KIAA1217: variants seen among roughly 807,000 people sequenced by gnomAD.
KIAA1217 encodes sickle tail protein homolog.
Under a neutral mutation model 163.9 loss-of-function variants are expected in KIAA1217, and 88 were observed. That is an observed-to-expected ratio of 0.54 (90% CI 0.45 to 0.64). The LOEUF is 0.64. Among genes scored for constraint, KIAA1217 ranks in the 30% least tolerant of loss-of-function variants. The probability of loss-of-function intolerance (pLI) is 0.00; values close to 1 mark genes in which losing one functional copy is unlikely to be tolerated. For missense variants in KIAA1217, 2,372 were observed against 2,475.0 expected (o/e 0.96, Z 0.88); for synonymous variants, 903 against 923.1 (o/e 0.98, Z 0.39).
intron 2 of KIAA1217, among the ~76,000 whole-genome samples, chr10:24,056,101 G>A (rs949254117): frequency 1.3e-5 from 2 of 152,138 alleles, no homozygotes; most frequent in Non-Finnish European, 2.9e-5. Context: ...TGCTTTAGTG[G>A]CCTCTCTCAA....
rs191727392 is a variant in KIAA1217 at position 24,345,503 on chromosome 10, A to G, written c.355-35366A>G. On this transcript the variant is annotated intron_variant, in intron 2 of 20. Transcript: ENST00000376454. ...ACATTATGGAAACACTAACGGGACC[A>G]TTAGAATAAATGAATGAACCTAAGA... Among the ~76,000 whole-genome samples, 295 of 152,372 alleles carry G rather than the reference A, an allele frequency of 1.9e-3. 2 individuals carry two copies. The highest frequency in any genetic ancestry group is 6.4e-3 in the African/African-American group (265 of 41,580).
In KIAA1217 at chr10:23,912,566, A is replaced by G. The variant is rs146852025; in HGVS notation, c.-320-94659A>G. Among the ~76,000 whole-genome samples the G allele has an allele frequency of 2.6e-5, 4 of 152,204 alleles. No homozygotes were observed. The East Asian group carries it at 7.8e-4, about 30-fold the overall frequency. On this transcript the variant is annotated intron_variant, in intron 1 of 18. Transcript: ENST00000376462. ...TACCCATTGTTTAGCTCCCACTTAC[A>G]AGTAAGAACACACAGTATTTGATTT...
chr10:23,721,701 T>C (rs1837880691), intron 1 of KIAA1217, among the ~76,000 whole-genome samples: 1 of 152,146 alleles, frequency 6.6e-6, no homozygotes, highest in African/African-American at 2.4e-5. Context: ...AAAATTTCCC[T>C]CATTTAGGAA....
At chr10:23,819,186 T>C (rs1245933751) in intron 1 of KIAA1217, among the ~76,000 whole-genome samples, 1 of 152,178 alleles carries the variant, frequency 6.6e-6, no homozygotes, top group Non-Finnish European at 1.5e-5. Context: ...AGAATCTCTA[T>C]TTTAGCAGGG....
chr10:23,736,960 TC>T (rs1441843357), intron 1 of KIAA1217, among the ~76,000 whole-genome samples: 2 of 152,218 alleles, frequency 1.3e-5, no homozygotes, highest in African/African-American at 4.8e-5. Flanking sequence ...AAAAAACACT[TC>T]TGAGATTTTG....
intron 1 of KIAA1217, among the ~76,000 whole-genome samples, chr10:23,866,028 G>A (rs1219595400): frequency 6.6e-6 from 1 of 152,142 alleles, no homozygotes; most frequent in Non-Finnish European, 1.5e-5. Flanking sequence ...TACATATGCT[G>A]TATTCTTTTT....
At chr10:24,300,646 C>T (rs1242890989) in intron 2 of KIAA1217, among the ~76,000 whole-genome samples, 1 of 152,154 alleles carries the variant, frequency 6.6e-6, no homozygotes, top group African/African-American at 2.4e-5. Flanking sequence ...CGACTCACTA[C>T]AGCCTCCACC....
At chr10:24,489,158 C>T (rs1445031462) in intron 6 of KIAA1217, among the ~76,000 whole-genome samples, 1 of 151,984 alleles carries the variant, frequency 6.6e-6, no homozygotes, top group East Asian at 1.9e-4. Context: ...GCAGTTGTTA[C>T]TGACTACAGT....
At chr10:24,336,648 A>G (rs1292439848) in intron 2 of KIAA1217, among the ~76,000 whole-genome samples, 3 of 152,220 alleles carry the variant, frequency 2.0e-5, no homozygotes, top group African/African-American at 7.2e-5. Context: ...TGAGCTATCT[A>G]TACTTTGATA....
chr10:24,326,698 G>T (rs934449952), intron 2 of KIAA1217, among the ~76,000 whole-genome samples: 1 of 151,974 alleles, frequency 6.6e-6, no homozygotes, highest in Non-Finnish European at 1.5e-5. Flanking sequence ...TCTCAACTGG[G>T]CTGTCCACAA....
chr10:24,337,630 CTTTTCTTTTCTTTTCTTTTCTTT>C (rs1564496491), intron 2 of KIAA1217, among the ~76,000 whole-genome samples: 1 of 57,412 alleles, frequency 1.7e-5, no homozygotes, highest in Non-Finnish European at 3.3e-5. Flanking sequence ...CTTTTCTTTT[CTTTTCTTTTCTTTTCTTTTCTTT>C]TTTTTTTTTG....
chr10:24,247,124 C>CTTTTT (rs10648557), intron 2 of KIAA1217, among the ~76,000 whole-genome samples: 1 of 138,312 alleles, frequency 7.2e-6, no homozygotes, highest in Non-Finnish European at 1.5e-5. Flanking sequence ...ATTTTCTTTT[C>CTTTTT]TTTTTTTTTT....
intron 1 of KIAA1217, among the ~76,000 whole-genome samples, chr10:23,705,810 G>A (rs750615275): frequency 2.4e-4 from 37 of 152,284 alleles, no homozygotes; most frequent in Non-Finnish European, 3.2e-4. Flanking sequence ...GCCAGCTGGG[G>A]TTGTGGTAGG....
intron 9 of KIAA1217, among the ~76,000 whole-genome samples, chr10:24,504,873 A>T (rs1019914614): frequency 1.9e-4 from 29 of 152,174 alleles, no homozygotes; most frequent in Non-Finnish European, 1.5e-5. Flanking sequence ...GGACAAGGGG[A>T]ACCTAAGCAG....
intron 1 of KIAA1217, among the ~76,000 whole-genome samples, chr10:23,993,078 C>CTTGAAT (rs991273991): frequency 7.4e-6 from 1 of 135,982 alleles, no homozygotes; most frequent in Admixed American, 8.1e-5. Context: ...GTTGCCCAGG[C>CTTGAAT]TTGAATGCAG....
rs2041562436 is a variant in KIAA1217, at chr10:24,303,029, C to T, written c.355-77840C>T. ...GGAAAATCATTGGCTTTTTATTTTT[C>T]TAGAAATAGGGTCTTGCTCTGTCAC... On this transcript the variant is annotated intron_variant, in intron 2 of 20. Transcript: ENST00000376454. Among the ~76,000 whole-genome samples the T allele has an allele frequency of 1.3e-5, 2 of 152,072 alleles. 1 individual carries two copies. The highest frequency in any genetic ancestry group is 4.2e-4 in the South Asian group (2 of 4,814).
intron 2 of KIAA1217, among the ~76,000 whole-genome samples, chr10:24,372,268 G>A (rs1591396915): frequency 6.6e-6 from 1 of 152,040 alleles, no homozygotes; most frequent in African/African-American, 2.4e-5. Flanking sequence ...TAGAACTAGG[G>A]GTTTATATAG....
chr10:24,241,840 G>C (rs1303625625), intron 2 of KIAA1217, among the ~76,000 whole-genome samples: 1 of 152,154 alleles, frequency 6.6e-6, no homozygotes, highest in Non-Finnish European at 1.5e-5. Flanking sequence ...AATTTTTCCA[G>C]TTTTTCCATG....
chr10:24,455,917 C>T (rs940564845), intron 5 of KIAA1217, among the ~76,000 whole-genome samples: 6 of 152,166 alleles, frequency 3.9e-5, no homozygotes, highest in African/African-American at 1.4e-4. Context: ...AGACACGAGT[C>T]TCCCTCTGTT....
Sources: gnomAD v4.1 joint callset for allele counts (sites outside exome capture counted in the v4.1 genomes callset) on GRCh38, gnomAD v4.1.1 for gene constraint, MANE v1.5 for transcripts, NCBI Gene and HGNC (gene_info 2026-07-23, HGNC 2026-07-21) for gene names.